The following KDM4B variants were observed in gnomAD, a reference collection of about 807,000 sequenced individuals.
The protein encoded by KDM4B is lysine demethylase 4B.
In KDM4B, 32 loss-of-function variants were observed where a neutral mutation model predicts 125.2. The ratio of observed to expected loss-of-function variants is 0.26; its 90% CI spans 0.19 to 0.34. The LOEUF (loss-of-function observed/expected upper bound fraction) is 0.34. Among genes scored for constraint, KDM4B ranks in the 10% least tolerant of loss-of-function variants. KDM4B has a pLI of 1.00. For synonymous variants in KDM4B, 721 were observed against 677.9 expected, an observed-to-expected ratio of 1.06 and a Z score of -0.99; for missense variants, 1,190 against 1,577.7, an observed-to-expected ratio of 0.75 and a Z score of 4.16.
At chr19:5,124,133 A>T (rs2039409817) in intron 11 of KDM4B, among the ~76,000 whole-genome samples, 1 of 152,088 alleles carries the variant, frequency 6.6e-6, no homozygotes, top group Non-Finnish European at 1.5e-5. Flanking sequence ...TGGGTGAGTT[A>T]TGGGAAAACA....
chr19:5,010,657 T>C (rs1056066068), intron 1 of KDM4B, among the ~76,000 whole-genome samples: 2 of 152,198 alleles, frequency 1.3e-5, no homozygotes, highest in Non-Finnish European at 2.9e-5. Context: ...TATTTATTTA[T>C]ATATTTTTGA....
chr19:5,056,746 A>G (rs2037406980), intron 6 of KDM4B, among the ~76,000 whole-genome samples: 1 of 151,892 alleles, frequency 6.6e-6, no homozygotes, highest in Non-Finnish European at 1.5e-5. Flanking sequence ...GACCTTTATC[A>G]CATCTTCGAG....
rs754406577 is a variant in KDM4B, at chr19:5,150,325, T to G, written c.3022-33T>G. ...CCTGGAGCACCTGCCATCCTGGCAG[T>G]GCCAGGCCCCTGAGAGCCACATCCC... On this transcript the variant is annotated intron_variant, in intron 21 of 22. Coordinates refer to ENST00000159111, the MANE Select transcript of KDM4B (RefSeq NM_015015.3). 3.3e-6 allele frequency: 5 copies of G among 1,533,448 alleles called. No homozygotes were observed. The Admixed American group carries it at 9.8e-5, about 30-fold the overall frequency. The allele number at this position is 1,533,448 out of a possible 1,614,324, so 95.0% of individuals were successfully genotyped here. A position where few individuals can be genotyped will look rare whatever the true frequency, so the allele number is the denominator to read the frequency against.
At chr19:5,032,383 C>G (rs947501053) in intron 2 of KDM4B, among the ~76,000 whole-genome samples, 1 of 152,232 alleles carries the variant, frequency 6.6e-6, no homozygotes, top group African/African-American at 2.4e-5. Context: ...GCCAGCCCCC[C>G]GTGACCCACA....
intron 10 of KDM4B, among the ~76,000 whole-genome samples, chr19:5,117,162 C>G (rs1326317341): frequency 6.6e-6 from 1 of 152,156 alleles, no homozygotes; most frequent in Non-Finnish European, 1.5e-5. Context: ...AAGGGCTGGG[C>G]TGCAAGGATG....
rs778248659 is a variant in KDM4B, at chr19:5,114,022, C to T, written c.1115+3204C>T. 23 of 1,280,094 alleles carry T rather than the reference C, an allele frequency of 1.8e-5. No homozygotes were observed. The South Asian group carries it at 2.6e-4, about 15-fold the overall frequency. 79.3% of individuals were successfully genotyped at this position (1,280,094 alleles called of 1,614,324 possible). On this transcript the variant is annotated intron_variant, in intron 10 of 22. Transcript: ENST00000159111. This position sits in a 1 kb window ranked among gnomAD's most constrained non-coding sequence, Gnocchi z 5.8. Reference sequence around the variant, plus strand: ...GCGAGCGTTGGGGGCTGTTTGTATTCTTCCCCCTGATGGATGGGTCGCCTA... The same window carrying T: ...GCGAGCGTTGGGGGCTGTTTGTATTTTTCCCCCTGATGGATGGGTCGCCTA...
In KDM4B at chr19:5,151,441, G is replaced by A. The variant is rs200297667; in HGVS notation, c.3221G>A (p.Arg1074Gln). The A allele has an allele frequency of 6.0e-5, 94 of 1,555,476 alleles. No individual in the cohort carries two copies. The Middle Eastern group carries it at 6.3e-4, about 10-fold the overall frequency. Residue 1074 changes from arginine (R) to glutamine (Q), a missense_variant, in exon 23 of 23, where the codon CGG becomes CAG. This residue lies in a region of KDM4B where 109 missense variants were observed against 93.8 expected (regional missense o/e 1.16). Coordinates refer to ENST00000159111, the MANE Select transcript of KDM4B (RefSeq NM_015015.3). ...CCGCTTGCCACGGAGGACTCCGGGC[G>A]GAGCCAGGACTACGTGGCCTTCGTG... The part of the protein sequence containing the change: ...GTPLATEDSG[R>Q]SQDYVAFVES...
At chr19:5,108,539 A>G (rs1227164254) in intron 9 of KDM4B, among the ~76,000 whole-genome samples, 2 of 152,004 alleles carry the variant, frequency 1.3e-5, no homozygotes, top group African/African-American at 4.8e-5. Context: ...GTCGTCCCCA[A>G]CCCCGTCAGA....
chr19:5,054,435 G>A (rs1451893925), intron 6 of KDM4B, among the ~76,000 whole-genome samples: 1 of 151,616 alleles, frequency 6.6e-6, no homozygotes, highest in African/African-American at 2.4e-5. Context: ...AGTGAACTGT[G>A]ATGCTGAGTC....
Position 5,144,787 on chromosome 19 carries a change from G to A in KDM4B, c.2906G>A (p.Arg969Lys). ...DNLYPESITSRDCVQLGPPSE... is the reference protein window; with the variant it reads ...DNLYPESITSKDCVQLGPPSE... Reference sequence around the variant, plus strand: ...TCCCACCTCTTCTCCCTGCAGAGTAGGGACTGTGTCCAGCTGGGACCCCCT... The same window carrying A: ...TCCCACCTCTTCTCCCTGCAGAGTAAGGACTGTGTCCAGCTGGGACCCCCT... Residue 969 changes from arginine to lysine, a missense_variant, in exon 21 of 23, where the codon AGG becomes AAG. Arg to Lys is a conservative substitution (Grantham distance 26). Coordinates refer to ENST00000159111, the MANE Select transcript of KDM4B (RefSeq NM_015015.3). 1 of 1,613,532 alleles carries A rather than the reference G, an allele frequency of 6.2e-7. No homozygotes were observed. The highest frequency in any genetic ancestry group is 8.5e-7 in the Non-Finnish European group (1 of 1,179,944).
At chr19:5,113,149 C>G (rs1353722639) in intron 10 of KDM4B, 1 of 152,234 alleles carries the variant, frequency 6.6e-6, no homozygotes, top group African/African-American at 2.4e-5. Flanking sequence ...CCTGGCCTCC[C>G]TGCCCCGGCC....
At chr19:5,025,952 G>A (rs2036264859) in intron 2 of KDM4B, among the ~76,000 whole-genome samples, 1 of 151,566 alleles carries the variant, frequency 6.6e-6, no homozygotes, top group African/African-American at 2.4e-5. Context: ...GCACTATCTC[G>A]GCTCAATGCA....
chr19:5,135,550 A>G lies in KDM4B; in HGVS notation c.2297A>G (p.Gln766Arg), dbSNP rs1258511157. Reference protein sequence around the residue: ...PLIACGKCCLQVHASCYGIRP... With the variant: ...PLIACGKCCLRVHASCYGIRP... ...ATCGCCTGCGGCAAGTGCTGCCTGC[A>G]GGTCCATGCCAGTGAGTGCCACTGT... Residue 766 changes from glutamine to arginine, a missense_variant, in exon 15 of 23, where the codon CAG (glutamine) becomes CGG (arginine). Coordinates refer to ENST00000159111, the MANE Select transcript of KDM4B (RefSeq NM_015015.3). The G allele has an allele frequency of 6.9e-6, 11 of 1,598,074 alleles. No individual in the cohort carries two copies. Among genetic ancestry groups the G allele is most frequent in the South Asian group, 6.7e-5 (6 of 89,386 alleles).
At chr19:5,015,174 G>A (rs940504848) in intron 1 of KDM4B, among the ~76,000 whole-genome samples, 3 of 152,122 alleles carry the variant, frequency 2.0e-5, no homozygotes, top group East Asian at 1.9e-4. Flanking sequence ...GCTCTGAGAC[G>A]AGGGCTCGCA....
intron 9 of KDM4B, among the ~76,000 whole-genome samples, chr19:5,091,710 AG>A (rs1376107201): frequency 7.7e-6 from 1 of 129,710 alleles, no homozygotes; most frequent in Non-Finnish European, 1.6e-5. Flanking sequence ...CCCGGAGCCC[AG>A]GGGGAGGGAG....
At chr19:5,126,889 G>T (rs2039459482) in intron 11 of KDM4B, among the ~76,000 whole-genome samples, 1 of 152,256 alleles carries the variant, frequency 6.6e-6, no homozygotes, top group Non-Finnish European at 1.5e-5. Flanking sequence ...GGCCGAAGCT[G>T]GTGAGTTGAT....
In KDM4B at chr19:5,041,168, G is replaced by T; in HGVS notation, c.349G>T (p.Asp117Tyr). ...YCTPRHQDFD[D>Y]LERKYWKNLT... Reference sequence around the variant, plus strand: ...TACCCCGCGGCACCAGGACTTTGATGACCTTGAACGCAAATACTGGAAGAA... The same window carrying T: ...TACCCCGCGGCACCAGGACTTTGATTACCTTGAACGCAAATACTGGAAGAA... The change falls in exon 5 of 23, where the codon GAC becomes TAC. Residue 117 changes from aspartate (D) to tyrosine (Y), a missense_variant. Asp to Tyr is a radical substitution (Grantham distance 160). Around this residue, in one of 7 missense-constraint regions of KDM4B, gnomAD observed 139 missense variants for 248.3 expected, o/e 0.56. Coordinates refer to ENST00000159111, the MANE Select transcript of KDM4B (RefSeq NM_015015.3). The T allele has an allele frequency of 1.2e-6, 2 of 1,612,580 alleles. No individual in the cohort carries two copies. The highest frequency in any genetic ancestry group is 2.2e-5 in the South Asian group (2 of 90,994).
intron 10 of KDM4B, chr19:5,119,267 C>G: frequency 7.9e-7 from 1 of 1,263,164 alleles, no homozygotes. Flanking sequence ...TTTCCATGAG[C>G]TGCTGTTTCC....
chr19:5,023,380 C>T (rs1208914740), intron 2 of KDM4B, among the ~76,000 whole-genome samples: 1 of 152,226 alleles, frequency 6.6e-6, no homozygotes, highest in South Asian at 2.1e-4. Context: ...CGTGGTGATG[C>T]GGTGCCAGGC....
Sources: gnomAD v4.1 joint callset for allele counts (sites outside exome capture counted in the v4.1 genomes callset) on GRCh38, gnomAD v4.1.1 for gene constraint, gnomAD v4.1.1 regional missense constraint, Gnocchi (gnomAD v3.1) non-coding constraint, MANE v1.5 for transcripts, NCBI Gene and HGNC (gene_info 2026-07-23, HGNC 2026-07-21) for gene names.